Variants in ZNF385B observed in about 807,000 individuals in gnomAD.
ZNF385B encodes the protein zinc finger protein 533.
In ZNF385B, 23 loss-of-function variants were observed where a neutral mutation model predicts 39.2. The observed-to-expected ratio is 0.59, with a 90% CI of 0.42 to 0.83. The LOEUF (loss-of-function observed/expected upper bound fraction) is 0.83. Among genes scored for constraint, ZNF385B ranks in the 40% least tolerant of loss-of-function variants. The probability of loss-of-function intolerance (pLI) is 0.00; values close to 1 mark genes in which losing one functional copy is unlikely to be tolerated. For missense variants in ZNF385B, 552 were observed against 598.9 expected (o/e 0.92, Z 0.82); for synonymous variants, 205 against 222.6 (o/e 0.92, Z 0.70).
At chr2:179,589,719 A>G (rs987384484) in intron 3 of ZNF385B, among the ~76,000 whole-genome samples, 6 of 152,198 alleles carry the variant, frequency 3.9e-5, no homozygotes, top group African/African-American at 1.4e-4. Context: ...TCTATGATTA[A>G]AAGGAAAAAT....
At chr2:179,598,579 T>G (rs901459165) in intron 3 of ZNF385B, among the ~76,000 whole-genome samples, 3 of 152,238 alleles carry the variant, frequency 2.0e-5, no homozygotes, top group African/African-American at 2.4e-5. Context: ...ACCTGTAATA[T>G]TCTGATATGT....
At chr2:179,710,131 CTG>C in intron 3 of ZNF385B, among the ~76,000 whole-genome samples, 1 of 152,226 alleles carries the variant, frequency 6.6e-6, no homozygotes, top group African/African-American at 2.4e-5. Flanking sequence ...TTCTCTGGCT[CTG>C]TGGATGGACA....
At chr2:179,544,786 A>T (rs778008670) in intron 4 of ZNF385B, 41 bp downstream of exon 4, 6 of 1,611,926 alleles carry the variant, frequency 3.7e-6, no homozygotes, top group Non-Finnish European at 5.1e-6. Flanking sequence ...AATGAAATTG[A>T]TGGAGGAGGA....
intron 3 of ZNF385B, among the ~76,000 whole-genome samples, chr2:179,584,783 T>G (rs2106048089): frequency 6.6e-6 from 1 of 152,224 alleles, no homozygotes; most frequent in African/African-American, 2.4e-5. Context: ...TTCTGAAACA[T>G]AGGGGCATGA....
chr2:179,814,678 C>T (rs1025535961), intron 1 of ZNF385B: 7 of 338,642 alleles, frequency 2.1e-5, no homozygotes, highest in South Asian at 8.9e-5. Flanking sequence ...GATACTGAAG[C>T]GCCCTCAGGC....
chr2:179,473,274 A>G (rs1212214479), intron 6 of ZNF385B, among the ~76,000 whole-genome samples: 2 of 152,196 alleles, frequency 1.3e-5, no homozygotes, highest in Admixed American at 6.5e-5. Flanking sequence ...AATAATTACT[A>G]TGAGGCAAGA....
chr2:179,751,103 A>C (rs1357996854), intron 3 of ZNF385B, among the ~76,000 whole-genome samples: 1 of 152,072 alleles, frequency 6.6e-6, no homozygotes, highest in Admixed American at 6.6e-5. Flanking sequence ...TAATATATTT[A>C]AGTAGTAATT....
chr2:179,774,456 G>A (rs1704194860), intron 1 of ZNF385B, among the ~76,000 whole-genome samples: 1 of 152,008 alleles, frequency 6.6e-6, no homozygotes, highest in African/African-American at 2.4e-5. Context: ...TGCCTCCTGG[G>A]TTCAAGCAAT....
intron 3 of ZNF385B, among the ~76,000 whole-genome samples, chr2:179,673,583 G>T (rs546869837): frequency 6.6e-6 from 1 of 152,206 alleles, no homozygotes; most frequent in East Asian, 1.9e-4. Context: ...AAATTAAAAA[G>T]GCAATTTTTC....
At chr2:179,728,649 C>T (rs183042144) in intron 3 of ZNF385B, among the ~76,000 whole-genome samples, 11 of 152,098 alleles carry the variant, frequency 7.2e-5, no homozygotes, top group African/African-American at 1.9e-4. Context: ...ATTAGCTGGT[C>T]CCAGTATATT....
chr2:179,751,193 C>A (rs62181525), intron 3 of ZNF385B, among the ~76,000 whole-genome samples: 3,597 of 112,610 alleles, frequency 0.032, 61 homozygotes, highest in Admixed American at 0.06. Context: ...CCTACAGATT[C>A]TGCCTACTGC....
intron 5 of ZNF385B, among the ~76,000 whole-genome samples, chr2:179,507,292 C>T (rs2057321814): frequency 6.6e-6 from 1 of 152,016 alleles, no homozygotes; most frequent in Admixed American, 6.6e-5. Flanking sequence ...CCCATAGGCC[C>T]CCTGCAGCCT....
In ZNF385B at chr2:179,684,514, T is replaced by C. The variant is rs188994570; in HGVS notation, c.298+84989A>G. ...GTTTAACAAAGAGGAAGGCATTTCC[T>C]CTTACACATATTAATCCATGATTGT... On this transcript the variant is annotated intron_variant, in intron 3 of 9. Coordinates refer to ENST00000410066, the MANE Select transcript of ZNF385B (RefSeq NM_152520.6). Among the ~76,000 whole-genome samples, 11 of 152,350 alleles carry C rather than the reference T, an allele frequency of 7.2e-5. 1 individual carries two copies. Among genetic ancestry groups the C allele is most frequent in the Middle Eastern group, 3.4e-3 (1 of 294 alleles).
intron 1 of ZNF385B, among the ~76,000 whole-genome samples, chr2:179,795,312 T>C (rs570070734): frequency 2.6e-5 from 4 of 152,206 alleles, no homozygotes; most frequent in South Asian, 4.2e-4. Context: ...GTTAGAGTTA[T>C]AGAAAGGAAC....
intron 3 of ZNF385B, among the ~76,000 whole-genome samples, chr2:179,647,580 T>C (rs887428999): frequency 6.6e-6 from 1 of 152,100 alleles, no homozygotes; most frequent in African/African-American, 2.4e-5. Flanking sequence ...ATAGCAGCTA[T>C]ACCAGAAACA....
intron 9 of ZNF385B, among the ~76,000 whole-genome samples, chr2:179,444,043 G>C (rs2049218875): frequency 1.3e-5 from 2 of 152,228 alleles, no homozygotes; most frequent in African/African-American, 2.4e-5. Context: ...TTGTAAGTGG[G>C]TAGAAACTCT....
At chr2:179,523,330 G>A (rs1469251502) in intron 4 of ZNF385B, among the ~76,000 whole-genome samples, 23 of 140,598 alleles carry the variant, frequency 1.6e-4, no homozygotes, top group Admixed American at 1.1e-3. Context: ...AGATTACAGA[G>A]ACTACAAATC....
At chr2:179,519,820 A>G (rs1459962265) in intron 4 of ZNF385B, among the ~76,000 whole-genome samples, 1 of 152,218 alleles carries the variant, frequency 6.6e-6, no homozygotes, top group Admixed American at 6.5e-5. Flanking sequence ...ATGATATTTG[A>G]TAGAGAGGAG....
chr2:179,634,993 A>AAAAAAAAAAAAT (rs1166340577), intron 3 of ZNF385B, among the ~76,000 whole-genome samples: 3 of 140,484 alleles, frequency 2.1e-5, no homozygotes, highest in African/African-American at 7.9e-5. Flanking sequence ...AAAAAAAAAA[A>AAAAAAAAAAAAT]TAGCCAGGCG....
Sources: allele counts gnomAD v4.1 joint callset (sites outside exome capture counted in the v4.1 genomes callset), GRCh38; gene constraint gnomAD v4.1.1; transcripts MANE v1.5; gene names NCBI Gene and HGNC (gene_info 2026-07-23, HGNC 2026-07-21).